The following ABCB1 variants were observed in gnomAD, a reference collection of about 807,000 sequenced individuals.
The protein encoded by ABCB1 is ATP binding cassette subfamily B member 1.
Under a neutral mutation model 142.0 loss-of-function variants are expected in ABCB1, and 69 were observed. That is an observed-to-expected ratio of 0.49 (90% CI 0.40 to 0.59). ABCB1 has a LOEUF of 0.59. Ranked by LOEUF, ABCB1 falls within the 20% of genes least tolerant of loss-of-function variation. The pLI, the probability that ABCB1 is intolerant of heterozygous loss-of-function variation, is 0.00. For synonymous variants in ABCB1, 532 were observed against 539.2 expected, an observed-to-expected ratio of 0.99 and a Z score of 0.18; for missense variants, 1,326 against 1,554.7, an observed-to-expected ratio of 0.85 and a Z score of 2.47.
intron 1 of ABCB1, among the ~76,000 whole-genome samples, chr7:87,614,928 C>T (rs1819982942): frequency 6.6e-6 from 1 of 152,036 alleles, no homozygotes; most frequent in South Asian, 2.1e-4. Flanking sequence ...TCACTGCAAG[C>T]TCTGCCTCCC....
rs1818303756 is a variant in ABCB1 at position 87,577,158 on chromosome 7, GA to G, written c.287-6936del. 2.0e-5 allele frequency among the ~76,000 whole-genome samples: 3 copies of G among 152,266 alleles called. No homozygotes were observed. The East Asian group carries it at 5.8e-4, about 29-fold the overall frequency. On this transcript the variant is annotated intron_variant, in intron 4 of 27. Transcript: ENST00000622132. ...TTTTTTAGCTCCCACAAATAAGTGA[GA>G]AATGTGAAGTTCGTCTTTCTGTGCC...
chr7:87,640,814 T>C (rs1167365614), intron 1 of ABCB1, among the ~76,000 whole-genome samples: 1 of 152,204 alleles, frequency 6.6e-6, no homozygotes, highest in African/African-American at 2.4e-5. Flanking sequence ...TTGTCTATTC[T>C]ACTGTTTAAT....
In ABCB1 at chr7:87,599,462, A is replaced by G. The variant is rs1819348949; in HGVS notation, c.68+655T>C. Among the ~76,000 whole-genome samples, 3 of 152,336 alleles carry G rather than the reference A, an allele frequency of 2.0e-5. No individual in the cohort carries two copies. In the South Asian group the frequency reaches 6.2e-4, roughly 32 times the overall value. ...AGCAAGAGCCTGGACCACAGAGCAG[A>G]TCACCAGCAGCATATGGCTCACGTG... On this transcript the variant is annotated intron_variant, in intron 2 of 27. Coordinates refer to ENST00000622132, the MANE Select transcript of ABCB1 (RefSeq NM_001348946.2).
At position 87,561,251 on chromosome 7, in the gene ABCB1, A is replaced by G. The variant is rs1295089920; in HGVS notation, c.827+12T>C. 1 of 1,613,590 alleles carries G rather than the reference A, an allele frequency of 6.2e-7. No individual in the cohort carries two copies. On this transcript the variant is annotated intron_variant, in intron 8 of 27. Coordinates refer to ENST00000622132, the MANE Select transcript of ABCB1 (RefSeq NM_001348946.2). ...TTTAACATATCTATCCATTTAAAAA[A>G]GAAACTCAAACCTTTCAAGTTCTTT...
rs569342420 is a variant in ABCB1, at chr7:87,569,607, A to T, written c.338+565T>A. On this transcript the variant is annotated intron_variant, in intron 5 of 27. Transcript: ENST00000622132. ...AAAAAAATTTCTTTTGGCTGCTTTC[A>T]TTGTCATGTCGTATGAAAACATCCA... Among the ~76,000 whole-genome samples the T allele has an allele frequency of 4.6e-5, 7 of 152,220 alleles. No individual in the cohort carries two copies. The East Asian group carries it at 1.4e-3, about 29-fold the overall frequency.
intron 7 of ABCB1, among the ~76,000 whole-genome samples, chr7:87,565,796 C>A (rs534557537): frequency 6.7e-6 from 1 of 149,700 alleles, no homozygotes; most frequent in Admixed American, 6.6e-5. Flanking sequence ...TTTACTTGCT[C>A]GTTTTCTTAC....
chr7:87,531,796 C>A (rs1816068354), intron 20 of ABCB1: 1 of 344,664 alleles, frequency 2.9e-6, no homozygotes. Context: ...GCAATATCTG[C>A]AAATTAGCAA....
intron 1 of ABCB1, among the ~76,000 whole-genome samples, chr7:87,682,155 A>T (rs1022012621): frequency 3.3e-5 from 5 of 152,194 alleles, no homozygotes; most frequent in Non-Finnish European, 7.3e-5. Context: ...TGATCATAAG[A>T]TTGCAATAAT....
At chr7:87,655,487 A>G (rs571587471) in intron 1 of ABCB1, among the ~76,000 whole-genome samples, 13 of 152,190 alleles carry the variant, frequency 8.5e-5, no homozygotes, top group Non-Finnish European at 1.8e-4. Flanking sequence ...CAAATACTGC[A>G]TGACTTCCTT....
intron 1 of ABCB1, among the ~76,000 whole-genome samples, chr7:87,619,351 C>A (rs764573980): frequency 2.6e-5 from 4 of 151,986 alleles, no homozygotes; most frequent in Non-Finnish European, 4.4e-5. Flanking sequence ...CCAGCCTGGC[C>A]AACATGCCGA....
At chr7:87,654,652 T>C (rs1823903527) in intron 1 of ABCB1, among the ~76,000 whole-genome samples, 1 of 152,078 alleles carries the variant, frequency 6.6e-6, no homozygotes, top group African/African-American at 2.4e-5. Flanking sequence ...AAAGGCTCCA[T>C]GACATTGGTC....
chr7:87,527,176 C>T (rs1815819260), intron 21 of ABCB1, among the ~76,000 whole-genome samples: 1 of 152,076 alleles, frequency 6.6e-6, no homozygotes, highest in Non-Finnish European at 1.5e-5. Context: ...AATTATCAAA[C>T]CATCCTTTGC....
intron 7 of ABCB1, among the ~76,000 whole-genome samples, chr7:87,562,089 C>T (rs938848009): frequency 6.6e-6 from 1 of 152,124 alleles, no homozygotes; most frequent in Non-Finnish European, 1.5e-5. Context: ...CTTGTGGACT[C>T]ATTTATGTAA....
chr7:87,503,820 A>G lies in ABCB1; in HGVS notation c.*423T>C, dbSNP rs1043426607. The G allele has an allele frequency of 1.7e-5, 4 of 229,326 alleles. No individual in the cohort carries two copies. Among genetic ancestry groups the G allele is most frequent in the Non-Finnish European group, 2.6e-5 (3 of 114,952 alleles). The allele number at this position is 229,326 out of a possible 1,614,324, so 14.2% of individuals were successfully genotyped here. On this transcript the variant is annotated 3_prime_UTR_variant, in exon 28 of 28. Transcript: ENST00000622132. ...GAAGTTATCTACAATATTCCAATTGAGAGAAGATATATTCACAGGCAGTTT... is the reference window on the plus strand; with the variant it reads ...GAAGTTATCTACAATATTCCAATTGGGAGAAGATATATTCACAGGCAGTTT...
rs149203585 is a variant in ABCB1, at chr7:87,532,986, C to A, written c.2482-1489G>T. Among the ~76,000 whole-genome samples the A allele has an allele frequency of 5.1e-3, 774 of 152,140 alleles. 4 individuals carry two copies. The highest frequency in any genetic ancestry group is 0.017 in the African/African-American group (708 of 41,490). On this transcript the variant is annotated intron_variant, in intron 20 of 27. Transcript: ENST00000622132. ...AAAAGAGTGCTATAACTATCAGTAG[C>A]CTTTAAATACATTAAATTCCATACC...
At chr7:87,606,461 G>A (rs1287832805) in intron 1 of ABCB1, among the ~76,000 whole-genome samples, 2 of 151,946 alleles carry the variant, frequency 1.3e-5, no homozygotes, top group Non-Finnish European at 2.9e-5. Flanking sequence ...TCAGCCAAAG[G>A]TATTCATTGC....
intron 1 of ABCB1, among the ~76,000 whole-genome samples, chr7:87,668,119 CTT>C (rs368910521): frequency 7.3e-6 from 1 of 137,688 alleles, no homozygotes; most frequent in Admixed American, 7.2e-5. Flanking sequence ...AGGCCCTTGG[CTT>C]TTTTTTTTTT....
intron 1 of ABCB1, among the ~76,000 whole-genome samples, chr7:87,646,600 A>G (rs933660735): frequency 6.6e-6 from 1 of 152,196 alleles, no homozygotes; most frequent in Non-Finnish European, 1.5e-5. Context: ...AGAGAAATAC[A>G]TTCAGAAATT....
intron 2 of ABCB1, among the ~76,000 whole-genome samples, chr7:87,597,486 A>T (rs906224156): frequency 6.6e-5 from 10 of 152,218 alleles, no homozygotes; most frequent in Non-Finnish European, 8.8e-5. Context: ...AATTTGAAAA[A>T]AAAAGTCTAT....
Sources: gnomAD v4.1 joint callset for allele counts (sites outside exome capture counted in the v4.1 genomes callset) on GRCh38, gnomAD v4.1.1 for gene constraint, MANE v1.5 for transcripts, NCBI Gene and HGNC (gene_info 2026-07-23, HGNC 2026-07-21) for gene names.